The following CCDC178 variants were observed in gnomAD, a reference collection of about 807,000 sequenced individuals.
CCDC178 encodes the protein coiled-coil domain-containing protein 178.
A neutral mutation model predicts 117.4 loss-of-function variants in CCDC178; 126 were observed. That is an observed-to-expected ratio of 1.07 (90% CI 0.93 to 1.24). CCDC178 has a LOEUF of 1.24. Ranked by LOEUF, CCDC178 falls within the 50% of genes most tolerant of loss-of-function variation. CCDC178 has a pLI of 0.00. For missense variants in CCDC178, 1,030 were observed against 986.9 expected, an observed-to-expected ratio of 1.04 and a Z score of -0.59; for synonymous variants, 283 against 313.4, an observed-to-expected ratio of 0.90 and a Z score of 1.02.
At chr18:33,139,856 T>C (rs1051844955) in intron 20 of CCDC178, among the ~76,000 whole-genome samples, 2 of 152,044 alleles carry the variant, frequency 1.3e-5, no homozygotes, top group African/African-American at 4.8e-5. Context: ...GGGGAAAATG[T>C]CTCCAGGGCA....
intron 20 of CCDC178, among the ~76,000 whole-genome samples, chr18:33,153,023 A>T (rs1465112968): frequency 1.3e-5 from 2 of 150,486 alleles, no homozygotes; most frequent in Admixed American, 1.3e-4. Context: ...ACTTGTGAAA[A>T]AAAAAACAGG....
intron 9 of CCDC178, among the ~76,000 whole-genome samples, chr18:33,339,394 A>T (rs2062784119): frequency 6.6e-6 from 1 of 151,764 alleles, no homozygotes; most frequent in South Asian, 2.1e-4. Context: ...CAAAGTTAGG[A>T]ATGAAAAAGA....
chr18:33,175,661 A>G (rs1178275783), intron 20 of CCDC178, among the ~76,000 whole-genome samples: 1 of 152,190 alleles, frequency 6.6e-6, no homozygotes, highest in African/African-American at 2.4e-5. Context: ...TACAGTGATT[A>G]TTCTCTGGCC....
intron 4 of CCDC178, among the ~76,000 whole-genome samples, chr18:33,392,014 C>T (rs2063570982): frequency 6.6e-6 from 1 of 151,934 alleles, no homozygotes; most frequent in African/African-American, 2.4e-5. Flanking sequence ...CAGGAGTGCG[C>T]CACCATGCCT....
intron 12 of CCDC178, among the ~76,000 whole-genome samples, chr18:33,268,792 T>C (rs938963441): frequency 3.3e-5 from 5 of 150,192 alleles, no homozygotes; most frequent in Admixed American, 1.3e-4. Context: ...CTTATATAAA[T>C]GTAATAAAAA....
chr18:33,404,917 A>T (rs1451655236), intron 3 of CCDC178, among the ~76,000 whole-genome samples: 1 of 152,092 alleles, frequency 6.6e-6, no homozygotes, highest in Non-Finnish European at 1.5e-5. Flanking sequence ...AAACAAATCC[A>T]TAGAGCAAGA....
intron 11 of CCDC178, among the ~76,000 whole-genome samples, chr18:33,321,876 A>T (rs1599158982): frequency 6.6e-6 from 1 of 151,956 alleles, no homozygotes; most frequent in Non-Finnish European, 1.5e-5. Flanking sequence ...TGAAAAAAAA[A>T]TGTGTCTACA....
intron 21 of CCDC178, among the ~76,000 whole-genome samples, chr18:32,976,626 A>G (rs1042194814): frequency 7.9e-5 from 12 of 152,132 alleles, no homozygotes; most frequent in Admixed American, 7.9e-4. Flanking sequence ...AACCATGACA[A>G]ATATTCCTGA....
intron 3 of CCDC178, among the ~76,000 whole-genome samples, chr18:33,399,436 C>G (rs1264172451): frequency 1.3e-5 from 2 of 152,224 alleles, no homozygotes; most frequent in Admixed American, 6.5e-5. Context: ...ATATTATGCA[C>G]AGCAGAACTT....
chr18:33,423,987 G>C (rs2064074336), intron 2 of CCDC178, among the ~76,000 whole-genome samples: 1 of 152,020 alleles, frequency 6.6e-6, no homozygotes. Context: ...CTTTGATATA[G>C]CTATGCAATT....
intron 12 of CCDC178, among the ~76,000 whole-genome samples, chr18:33,281,246 G>A (rs2060022661): frequency 6.6e-6 from 1 of 152,010 alleles, no homozygotes; most frequent in East Asian, 1.9e-4. Context: ...ATGAGAGTAA[G>A]TTTTCTTAGT....
intron 20 of CCDC178, among the ~76,000 whole-genome samples, chr18:33,210,915 C>A (rs2059099441): frequency 1.3e-5 from 2 of 151,940 alleles, no homozygotes; most frequent in Admixed American, 6.6e-5. Context: ...TAATAATTTT[C>A]TTATAGACAA....
chr18:33,224,736 A>G lies in CCDC178; in HGVS notation c.1818+39T>C, dbSNP rs762524624. 16 of 1,294,416 alleles carry G rather than the reference A, an allele frequency of 1.2e-5. No individual in the cohort carries two copies. The African/African-American group carries it at 2.1e-4, about 17-fold the overall frequency. The allele number at this position is 1,294,416 out of a possible 1,614,324, so 80.2% of individuals were successfully genotyped here. A position where few individuals can be genotyped will look rare whatever the true frequency, so the allele number is the denominator to read the frequency against. On this transcript the variant is annotated intron_variant, in intron 17 of 22. Transcript: ENST00000383096. ...ACATGCGTAACTTACTAACGTATAT[A>G]TTTCTGCACATTAATTTTTGGATTA...
intron 9 of CCDC178, among the ~76,000 whole-genome samples, chr18:33,339,566 A>G (rs997828528): frequency 6.6e-6 from 1 of 151,774 alleles, no homozygotes; most frequent in African/African-American, 2.4e-5. Context: ...AGAGACCTTG[A>G]TATGTTTTGG....
intron 22 of CCDC178, among the ~76,000 whole-genome samples, chr18:32,960,994 C>T (rs1404334932): frequency 6.6e-6 from 1 of 151,858 alleles, no homozygotes; most frequent in East Asian, 1.9e-4. Context: ...TTAATACTTG[C>T]TTCATGACCC....
intron 21 of CCDC178, among the ~76,000 whole-genome samples, chr18:33,015,231 G>T (rs2055957837): frequency 6.6e-6 from 1 of 150,526 alleles, no homozygotes. Flanking sequence ...ACTCCAGCCT[G>T]GGTGACAGAG....
intron 22 of CCDC178, among the ~76,000 whole-genome samples, chr18:32,971,013 A>G (rs1260474491): frequency 6.6e-6 from 1 of 151,852 alleles, no homozygotes; most frequent in Admixed American, 6.6e-5. Context: ...TTATGTATTT[A>G]TTTTTATTTT....
intron 20 of CCDC178, among the ~76,000 whole-genome samples, chr18:33,143,425 G>A (rs2058232664): frequency 6.6e-6 from 1 of 152,098 alleles, no homozygotes; most frequent in Non-Finnish European, 1.5e-5. Flanking sequence ...AGGAGGAACT[G>A]GAAATTTATA....
At chr18:33,305,761 C>T (rs1190843255) in intron 11 of CCDC178, among the ~76,000 whole-genome samples, 1 of 152,148 alleles carries the variant, frequency 6.6e-6, no homozygotes, top group Non-Finnish European at 1.5e-5. Flanking sequence ...TTCTTCTCCT[C>T]CTTGCTGAAG....
Sources: allele counts gnomAD v4.1 joint callset (sites outside exome capture counted in the v4.1 genomes callset), GRCh38; gene constraint gnomAD v4.1.1; transcripts MANE v1.5; gene names NCBI Gene and HGNC (gene_info 2026-07-23, HGNC 2026-07-21).